CACNA1D: variants seen among roughly 807,000 people sequenced by gnomAD.
CACNA1D encodes the protein voltage-dependent L-type calcium channel subunit alpha-1D.
Under a neutral mutation model 257.1 loss-of-function variants are expected in CACNA1D, and 55 were observed. The observed-to-expected ratio is 0.21, with a 90% CI of 0.17 to 0.27. The LOEUF is 0.27. Among genes scored for constraint, CACNA1D ranks in the 10% least tolerant of loss-of-function variants. The pLI is 1.00. For synonymous variants in CACNA1D, 980 were observed against 1,014.9 expected, an observed-to-expected ratio of 0.97 and a Z score of 0.65; for missense variants, 1,876 against 2,784.0, an observed-to-expected ratio of 0.67 and a Z score of 7.34.
At chr3:53,804,244 ATC>A (rs2095550606) in intron 44 of CACNA1D, among the ~76,000 whole-genome samples, 1 of 152,144 alleles carries the variant, frequency 6.6e-6, no homozygotes. Flanking sequence ...GGCTTCTGGC[ATC>A]TGAGCCACAG....
At chr3:53,621,642 C>G (rs918055647) in intron 3 of CACNA1D, among the ~76,000 whole-genome samples, 5 of 152,204 alleles carry the variant, frequency 3.3e-5, no homozygotes, top group Non-Finnish European at 7.4e-5. Context: ...AAAATCAAAA[C>G]TTGTGTTCAT....
chr3:53,690,744 C>T (rs1284436461), intron 8 of CACNA1D, among the ~76,000 whole-genome samples: 4 of 152,178 alleles, frequency 2.6e-5, no homozygotes, highest in Non-Finnish European at 1.5e-5. Flanking sequence ...TTCCTTGGGT[C>T]CACAGTGCTC....
chr3:53,686,958 A>G (rs2094478305), intron 8 of CACNA1D, among the ~76,000 whole-genome samples: 1 of 152,094 alleles, frequency 6.6e-6, no homozygotes, highest in Non-Finnish European at 1.5e-5. Flanking sequence ...ATACAAAGTC[A>G]GTATACAAAA....
intron 3 of CACNA1D, among the ~76,000 whole-genome samples, chr3:53,551,941 T>G (rs2092543587): frequency 6.6e-6 from 1 of 152,210 alleles, no homozygotes; most frequent in South Asian, 2.1e-4. Context: ...TGACCGTTTG[T>G]CTTCCCCTGG....
intron 3 of CACNA1D, among the ~76,000 whole-genome samples, chr3:53,576,134 C>G (rs1246007879): frequency 1.3e-5 from 2 of 152,134 alleles, no homozygotes; most frequent in Non-Finnish European, 2.9e-5. Flanking sequence ...TCAGATAAGA[C>G]ACTTAACCCA....
chr3:53,759,519 G>A (rs746327251), intron 29 of CACNA1D, among the ~76,000 whole-genome samples: 17 of 152,234 alleles, frequency 1.1e-4, no homozygotes, highest in South Asian at 2.1e-4. Flanking sequence ...GGTCTCCTCC[G>A]CCTTGTCAGT....
intron 3 of CACNA1D, among the ~76,000 whole-genome samples, chr3:53,507,523 TG>T (rs1048919824): frequency 2.1e-4 from 31 of 149,808 alleles, no homozygotes; most frequent in African/African-American, 5.7e-4. Context: ...GAGGCTGAGG[TG>T]GGGGGATTGC....
At chr3:53,621,909 A>G (rs1482735528) in intron 3 of CACNA1D, among the ~76,000 whole-genome samples, 2 of 152,236 alleles carry the variant, frequency 1.3e-5, no homozygotes, top group East Asian at 1.9e-4. Flanking sequence ...ACCATAGGAC[A>G]TGCTACTACA....
intron 9 of CACNA1D, among the ~76,000 whole-genome samples, chr3:53,716,753 A>G (rs1393799035): frequency 6.6e-6 from 1 of 152,138 alleles, no homozygotes; most frequent in African/African-American, 2.4e-5. Context: ...CCCTTGCCTC[A>G]GTGTTCCTGG....
At chr3:53,704,390 A>G (rs3774534) in intron 9 of CACNA1D, among the ~76,000 whole-genome samples, 85,756 of 151,670 alleles carry the variant, frequency 0.57, 24,462 homozygotes, top group East Asian at 0.77. Flanking sequence ...GGAAGGGGCC[A>G]GGACTTTAGC....
chr3:53,710,088 C>T (rs529063225), intron 9 of CACNA1D, among the ~76,000 whole-genome samples: 95 of 152,312 alleles, frequency 6.2e-4, no homozygotes, highest in Non-Finnish European at 1.2e-3. Flanking sequence ...CCTAAAGTGC[C>T]TTTTCCTTAA....
chr3:53,772,145 G>A (rs1456754441), intron 32 of CACNA1D, among the ~76,000 whole-genome samples: 1 of 152,194 alleles, frequency 6.6e-6, no homozygotes, highest in East Asian at 1.9e-4. Flanking sequence ...TCAGACACTC[G>A]TACTTGTATT....
At chr3:53,755,971 A>C (rs1030030340) in intron 29 of CACNA1D, among the ~76,000 whole-genome samples, 1 of 152,128 alleles carries the variant, frequency 6.6e-6, no homozygotes, top group Admixed American at 6.5e-5. Context: ...AGATGGCCAC[A>C]TGGGACCTCA....
chr3:53,706,137 G>A (rs1287237233), intron 9 of CACNA1D, among the ~76,000 whole-genome samples: 1 of 152,222 alleles, frequency 6.6e-6, no homozygotes, highest in Non-Finnish European at 1.5e-5. Context: ...CCGGGCTCCT[G>A]ACTTTGTCCA....
chr3:53,648,902 A>G (rs1576226317), intron 3 of CACNA1D, among the ~76,000 whole-genome samples: 1 of 152,196 alleles, frequency 6.6e-6, no homozygotes, highest in East Asian at 1.9e-4. Context: ...TCTGAGGAGC[A>G]AAGGGAGCTT....
intron 3 of CACNA1D, among the ~76,000 whole-genome samples, chr3:53,511,432 G>T (rs980080281): frequency 7.9e-5 from 12 of 152,124 alleles, no homozygotes; most frequent in Non-Finnish European, 4.4e-5. Context: ...ATTCAGAGCA[G>T]CACTTTCTAG....
At chr3:53,512,459 T>C (rs1488328119) in intron 3 of CACNA1D, among the ~76,000 whole-genome samples, 2 of 152,190 alleles carry the variant, frequency 1.3e-5, no homozygotes, top group Non-Finnish European at 2.9e-5. Flanking sequence ...CTGGTTTTGA[T>C]TGACCCTGAA....
chr3:53,730,890 T>C (rs1460945106), intron 16 of CACNA1D, 187 bp from the exon 17 acceptor site: 2 of 613,950 alleles, frequency 3.3e-6, no homozygotes, highest in East Asian at 2.7e-5. Flanking sequence ...GTCTGTGTAA[T>C]GAATCCATCG....
At chr3:53,575,124 G>A (rs1213180869) in intron 3 of CACNA1D, among the ~76,000 whole-genome samples, 1 of 152,198 alleles carries the variant, frequency 6.6e-6, no homozygotes, top group Non-Finnish European at 1.5e-5. Flanking sequence ...GTGTAGGCCG[G>A]ACCCTAGAGG....
Sources: allele counts gnomAD v4.1 joint callset (sites outside exome capture counted in the v4.1 genomes callset), GRCh38; gene constraint gnomAD v4.1.1; transcripts MANE v1.5; gene names NCBI Gene and HGNC (gene_info 2026-07-23, HGNC 2026-07-21).